ZFYVE28: variants seen among roughly 807,000 people sequenced by gnomAD.
ZFYVE28 encodes lateral signaling target protein 2 homolog.
ZFYVE28 carries 40 observed loss-of-function variants against 82.1 expected under a neutral mutation model. That is an observed-to-expected ratio of 0.49 (90% CI 0.38 to 0.63). The LOEUF (loss-of-function observed/expected upper bound fraction) is 0.63, where lower values mean the gene tolerates loss of function less well. Among genes scored for constraint, ZFYVE28 ranks in the 30% least tolerant of loss-of-function variants. The pLI, the probability that ZFYVE28 is intolerant of heterozygous loss-of-function variation, is 0.00. For missense variants in ZFYVE28, 1,321 were observed against 1,242.1 expected (o/e 1.06, Z -0.96); for synonymous variants, 612 against 546.1 (o/e 1.12, Z -1.68).
At chr4:2,354,183 C>T in intron 1 of ZFYVE28, 110 bp from the exon 2 acceptor site, 7 of 1,208,854 alleles carry the variant, frequency 5.8e-6, no homozygotes, top group Non-Finnish European at 7.6e-6. Flanking sequence ...GACCTTCCAC[C>T]CTGAGCAGCA....
chr4:2,382,236 G>A (rs1295219830), intron 1 of ZFYVE28, among the ~76,000 whole-genome samples: 1 of 152,236 alleles, frequency 6.6e-6, no homozygotes, highest in Admixed American at 6.5e-5. Flanking sequence ...CCCACACAGA[G>A]TCCCTACTGG....
In ZFYVE28 at chr4:2,372,501, T is replaced by C. The variant is rs1410623718; in HGVS notation, c.40-18428A>G. Among the ~76,000 whole-genome samples the C allele has an allele frequency of 1.3e-5, 2 of 151,998 alleles. No individual in the cohort carries two copies. The highest frequency in any genetic ancestry group is 6.5e-5 in the Admixed American group (1 of 15,276). ...TCGGGTCTCTGCCTGGACGTCACCA[T>C]CATCGAGGCCTCCTAGCCCCTCCAG... On this transcript the variant is annotated intron_variant, in intron 1 of 12. Transcript: ENST00000290974. The surrounding 1 kb of genome is among the most constrained non-coding windows in gnomAD (Gnocchi z 5.2).
In ZFYVE28 at chr4:2,341,576, A is replaced by G. The variant is rs1416022016; in HGVS notation, c.220T>C (p.Cys74Arg). 1 of 1,613,972 alleles carries G rather than the reference A, an allele frequency of 6.2e-7. No individual in the cohort carries two copies. The highest frequency in any genetic ancestry group is 8.5e-7 in the Non-Finnish European group (1 of 1,179,948). ...CTGGGGGCGCGGTCCTGGGGGATGC[A>G]CTCATCCATGATCTGGTTAATGATG... ...LNIINQIMDE[C>R]IPQDRAPRDF... Residue 74 changes from cysteine (C) to arginine (R), a missense_variant, in exon 3 of 13, where the codon TGC becomes CGC. Physicochemically the swap from Cys to Arg is radical, Grantham distance 180. Transcript: ENST00000290974. This position sits in a 1 kb window ranked among gnomAD's most constrained non-coding sequence, Gnocchi z 4.5.
rs1732148224 is a variant in ZFYVE28 at position 2,408,359 on chromosome 4, AT to A, written c.39+9925del. On this transcript the variant is annotated intron_variant, in intron 1 of 12. Transcript: ENST00000290974. This position sits in a 1 kb window ranked among gnomAD's most constrained non-coding sequence, Gnocchi z 4.3. ...AGAAGTGGAGGTGACAGCCCCCCCCATTTAATGGGGGCTGGCCCTATGGACA... is the reference window on the plus strand; with the variant it reads ...AGAAGTGGAGGTGACAGCCCCCCCCATTAATGGGGGCTGGCCCTATGGACA... Among the ~76,000 whole-genome samples the A allele has an allele frequency of 6.7e-6, 1 of 149,188 alleles. No individual in the cohort carries two copies. The highest frequency in any genetic ancestry group is 2.5e-5 in the African/African-American group (1 of 40,404).
chr4:2,291,030 C>T (rs569429526), intron 8 of ZFYVE28, among the ~76,000 whole-genome samples: 1 of 152,226 alleles, frequency 6.6e-6, no homozygotes, highest in Non-Finnish European at 1.5e-5. Context: ...GCGAAGAGTG[C>T]CTGCACGTGT....
At position 2,341,463 on chromosome 4, in the gene ZFYVE28, G is replaced by T; in HGVS notation, c.318+15C>A. 1 of 1,612,188 alleles carries T rather than the reference G, an allele frequency of 6.2e-7. No homozygotes were observed. Among genetic ancestry groups the T allele is most frequent in the Non-Finnish European group, 8.5e-7 (1 of 1,179,854 alleles). On this transcript the variant is annotated intron_variant, in intron 3 of 12. Transcript: ENST00000290974. The surrounding 1 kb of genome is among the most constrained non-coding windows in gnomAD (Gnocchi z 4.5). ...CCCACATCAGGACCTCCGAACCCGG[G>T]TGGCCACCCGCTACCTCGGCACCGA...
chr4:2,310,213 A>G (rs1171914245), intron 7 of ZFYVE28, among the ~76,000 whole-genome samples: 1 of 151,850 alleles, frequency 6.6e-6, no homozygotes, highest in African/African-American at 2.4e-5. Flanking sequence ...TAATTTGTAA[A>G]TTTTTTGTAG....
intron 8 of ZFYVE28, among the ~76,000 whole-genome samples, chr4:2,298,133 G>A (rs559520740): frequency 6.8e-6 from 1 of 147,092 alleles, no homozygotes; most frequent in African/African-American, 2.5e-5. Context: ...ACGGCGGGCT[G>A]TGCTGGGAGG....
intron 8 of ZFYVE28, among the ~76,000 whole-genome samples, chr4:2,283,898 G>T (rs1182853248): frequency 3.9e-5 from 6 of 152,150 alleles, no homozygotes; most frequent in African/African-American, 1.4e-4. Flanking sequence ...AGACTGTAGG[G>T]AACCCCCTGG....
chr4:2,310,485 G>T (rs1301804136), intron 7 of ZFYVE28, among the ~76,000 whole-genome samples: 1 of 152,072 alleles, frequency 6.6e-6, no homozygotes, highest in Admixed American at 6.6e-5. Context: ...TAAATGTCTA[G>T]ATTATACTCT....
At chr4:2,271,260 G>A (rs1301238950) in intron 12 of ZFYVE28, 51 bp downstream of exon 12, 12 of 1,564,816 alleles carry the variant, frequency 7.7e-6, no homozygotes, top group Middle Eastern at 1.7e-4. Flanking sequence ...GGCTCTGTCC[G>A]TGGACGCCCT....
intron 1 of ZFYVE28, among the ~76,000 whole-genome samples, chr4:2,369,211 G>A (rs533446311): frequency 2.6e-4 from 40 of 152,284 alleles, no homozygotes; most frequent in East Asian, 1.2e-3. Context: ...GTGGAACGCC[G>A]CACTCTGTGG....
chr4:2,271,433 C>T lies in ZFYVE28; in HGVS notation c.2429-19G>A, dbSNP rs201510271. The T allele has an allele frequency of 8.1e-5, 130 of 1,610,034 alleles. 1 individual carries two copies. Among genetic ancestry groups the T allele is most frequent in the Middle Eastern group, 3.3e-4 (2 of 6,050 alleles). ...GGGGGGTCTGTCACAACAACAGCAG[C>T]GTCACATCAGCGACGGCAGGAGCAG... On this transcript the variant is annotated intron_variant, in intron 11 of 12. Coordinates refer to ENST00000290974, the MANE Select transcript of ZFYVE28 (RefSeq NM_020972.3).
chr4:2,347,753 G>T (rs1008508296), intron 2 of ZFYVE28, among the ~76,000 whole-genome samples: 2 of 152,058 alleles, frequency 1.3e-5, no homozygotes, highest in African/African-American at 2.4e-5. Context: ...AAAATTTATG[G>T]AATGCCACTA....
At chr4:2,296,712 G>A (rs1714627015) in intron 8 of ZFYVE28, among the ~76,000 whole-genome samples, 1 of 152,180 alleles carries the variant, frequency 6.6e-6, no homozygotes. Flanking sequence ...CAGTGAGGGG[G>A]AGGGGAGGCC....
At chr4:2,322,934 C>T (rs1719316579) in intron 6 of ZFYVE28, among the ~76,000 whole-genome samples, 1 of 152,210 alleles carries the variant, frequency 6.6e-6, no homozygotes, top group Admixed American at 6.5e-5. Flanking sequence ...GCATACATTT[C>T]TTCATTCACC....
intron 1 of ZFYVE28, among the ~76,000 whole-genome samples, chr4:2,366,891 T>C (rs1024892750): frequency 7.2e-5 from 11 of 152,206 alleles, no homozygotes; most frequent in African/African-American, 2.4e-4. Flanking sequence ...CAGGTGATAA[T>C]GCTGGCCTTG....
intron 6 of ZFYVE28, chr4:2,329,162 A>G (rs576277979): frequency 1.4e-5 from 10 of 693,998 alleles, no homozygotes; most frequent in Non-Finnish European, 2.1e-5. Context: ...AAAAAGGCCA[A>G]TGGAGTTTCG....
intron 8 of ZFYVE28, among the ~76,000 whole-genome samples, chr4:2,275,793 C>T (rs1384670262): frequency 2.6e-5 from 4 of 152,232 alleles, no homozygotes; most frequent in African/African-American, 9.6e-5. Context: ...CCTCTGTTGC[C>T]GGCATACACT....
Sources: gnomAD v4.1 joint callset for allele counts (sites outside exome capture counted in the v4.1 genomes callset) on GRCh38, gnomAD v4.1.1 for gene constraint, Gnocchi (gnomAD v3.1) non-coding constraint, MANE v1.5 for transcripts, NCBI Gene and HGNC (gene_info 2026-07-23, HGNC 2026-07-21) for gene names.